Variants in C12orf54 observed in about 807,000 individuals in gnomAD.
The protein encoded by C12orf54 is uncharacterized protein C12orf54.
Under a neutral mutation model 26.4 loss-of-function variants are expected in C12orf54, and 24 were observed. The observed-to-expected ratio is 0.91, with a 90% CI of 0.66 to 1.28. The LOEUF is 1.28. Among genes scored for constraint, C12orf54 ranks in the 50% most tolerant of loss-of-function variants. The probability of loss-of-function intolerance (pLI) is 0.00; values close to 1 mark genes in which losing one functional copy is unlikely to be tolerated. For missense variants in C12orf54, 154 were observed against 150.9 expected (o/e 1.02, Z -0.11); for synonymous variants, 54 against 47.0 (o/e 1.15, Z -0.61).
chr12:48,422,005 A>C, the C12orf54 span, among the ~76,000 whole-genome samples: 2 of 152,218 alleles, frequency 1.3e-5, no homozygotes, highest in African/African-American at 4.8e-5. Context: ...AGAATTAAAA[A>C]GAGAATTTTG....
chr12:48,417,797 A>T, the C12orf54 span, among the ~76,000 whole-genome samples: 3 of 152,164 alleles, frequency 2.0e-5, no homozygotes, highest in East Asian at 5.8e-4. Flanking sequence ...ATGAGTACCC[A>T]GTGTTTAGCT....
chr12:48,479,154 C>T (rs573237020), upstream of C12orf54, among the ~76,000 whole-genome samples: 1 of 152,186 alleles, frequency 6.6e-6, no homozygotes, highest in African/African-American at 2.4e-5. Context: ...AAATGTGGCA[C>T]ATATGCACCA....
chr12:48,489,110 G>T, intron 5 of C12orf54, 154 bp downstream of exon 5: 1 of 823,542 alleles, frequency 1.2e-6, no homozygotes, highest in Non-Finnish European at 2.1e-6. Context: ...CCACTGACTT[G>T]TCAGTCCAGG....
chr12:48,447,189 GCTCTCT>G, the C12orf54 span, among the ~76,000 whole-genome samples: 1 of 143,862 alleles, frequency 7.0e-6, no homozygotes, highest in African/African-American at 2.6e-5. Context: ...AGATATGAGA[GCTCTCT>G]CTCTCTCTCT....
At chr12:48,450,010 C>T in the C12orf54 span, among the ~76,000 whole-genome samples, 8 of 152,176 alleles carry the variant, frequency 5.3e-5, no homozygotes, top group African/African-American at 1.9e-4. Flanking sequence ...GCACCCTCTG[C>T]CATGATCCTG....
At chr12:48,456,931 T>C in the C12orf54 span, among the ~76,000 whole-genome samples, 1 of 152,112 alleles carries the variant, frequency 6.6e-6, no homozygotes, top group African/African-American at 2.4e-5. Context: ...ATCACCATTA[T>C]GAGGACCAGT....
intron 4 of C12orf54, chr12:48,487,903 T>C (rs1937688728): frequency 3.4e-6 from 2 of 591,122 alleles, no homozygotes; most frequent in Non-Finnish European, 3.0e-6. Context: ...TTTGGTTTTA[T>C]AAGAAACTGC....
the C12orf54 span, chr12:48,473,155 T>C: frequency 6.4e-7 from 1 of 1,551,254 alleles, no homozygotes. Flanking sequence ...GAGGGCTTTG[T>C]GGAGTGCCTG....
At chr12:48,433,249 G>A in the C12orf54 span, among the ~76,000 whole-genome samples, 1 of 152,188 alleles carries the variant, frequency 6.6e-6, no homozygotes, top group Admixed American at 6.5e-5. Flanking sequence ...CACGGCTACA[G>A]TGCTTGTGCG....
At chr12:48,495,580 A>C (rs1018118423) in intron 8 of C12orf54, 1 of 152,502 alleles carries the variant, frequency 6.6e-6, no homozygotes, top group African/African-American at 2.4e-5. Flanking sequence ...CCACCTGGAG[A>C]AGAAGACTGT....
chr12:48,494,821 T>G lies in C12orf54; in HGVS notation c.266T>G (p.Leu89Trp), dbSNP rs144168660. The G allele has an allele frequency of 1.3e-3, 2,158 of 1,613,890 alleles. 28 individuals carry two copies. The African/African-American group carries it at 0.025, about 19-fold the overall frequency. Residue 89 changes from leucine to tryptophan, a missense_variant, in exon 8 of 9, where the codon TTG becomes TGG. Leu to Trp is a moderately conservative substitution (Grantham distance 61). Transcript: ENST00000548364. ...AGAAGCATAAGGCCTCCAGATTCCT[T>G]GATGACCCCAAAGTTGAGAAGATTG... Reference protein sequence around the residue: ...RTGSIRPPDSLMTPKLRRLQF... With the variant: ...RTGSIRPPDSWMTPKLRRLQF...
At chr12:48,482,170 A>G (rs1954205133), upstream of C12orf54, among the ~76,000 whole-genome samples, 1 of 152,224 alleles carries the variant, frequency 6.6e-6, no homozygotes, top group Admixed American at 6.5e-5. Context: ...TTTCTCTCTG[A>G]AGGACCTAGC....
intron 6 of C12orf54, 88 bp from the exon 7 acceptor site, chr12:48,492,859 T>C (rs1389565564): frequency 1.3e-5 from 16 of 1,200,684 alleles, no homozygotes; most frequent in African/African-American, 1.0e-4. Flanking sequence ...ACTTTGACTA[T>C]ACTTCAAATC....
the C12orf54 span, among the ~76,000 whole-genome samples, chr12:48,437,988 G>A: frequency 1.3e-5 from 2 of 152,320 alleles, no homozygotes; most frequent in African/African-American, 4.8e-5. Context: ...TGATATGATT[G>A]TATACCTAGA....
At chr12:48,439,352 GA>G in the C12orf54 span, among the ~76,000 whole-genome samples, 1 of 152,150 alleles carries the variant, frequency 6.6e-6, no homozygotes, top group Non-Finnish European at 1.5e-5. Flanking sequence ...ATTCCTCAGG[GA>G]TCTAGAACTA....
the C12orf54 span, among the ~76,000 whole-genome samples, chr12:48,451,015 A>T: frequency 3.3e-5 from 5 of 152,156 alleles, no homozygotes; most frequent in Non-Finnish European, 7.3e-5. Flanking sequence ...CCTGGCAAAG[A>T]TATTTAAAAA....
chr12:48,439,288 A>G, the C12orf54 span, among the ~76,000 whole-genome samples: 4 of 152,236 alleles, frequency 2.6e-5, no homozygotes, highest in African/African-American at 9.6e-5. Flanking sequence ...GAACACTTTT[A>G]CACTGTTGGT....
chr12:48,484,349 G>A (rs191747707), intron 2 of C12orf54, among the ~76,000 whole-genome samples: 1 of 152,208 alleles, frequency 6.6e-6, no homozygotes, highest in Non-Finnish European at 1.5e-5. Flanking sequence ...CTCTATCTAA[G>A]AGTATGAATT....
chr12:48,454,575 G>T, the C12orf54 span, among the ~76,000 whole-genome samples: 1 of 152,160 alleles, frequency 6.6e-6, no homozygotes, highest in Non-Finnish European at 1.5e-5. Flanking sequence ...CCTGCTTTCT[G>T]TCCTCCTGCC....
Sources: allele counts gnomAD v4.1 joint callset (sites outside exome capture counted in the v4.1 genomes callset), GRCh38; gene constraint gnomAD v4.1.1; transcripts MANE v1.5; gene names NCBI Gene and HGNC (gene_info 2026-07-23, HGNC 2026-07-21).